GALNT10: variants seen among roughly 807,000 people sequenced by gnomAD.
GALNT10 encodes GalNAc transferase 10.
In GALNT10, 41 loss-of-function variants were observed where a neutral mutation model predicts 75.0. That is an observed-to-expected ratio of 0.55 (90% CI 0.43 to 0.71). The LOEUF is 0.71. Ranked by LOEUF, GALNT10 falls within the 30% of genes least tolerant of loss-of-function variation. GALNT10 has a pLI of 0.00. For synonymous variants in GALNT10, 302 were observed against 313.0 expected, an observed-to-expected ratio of 0.96 and a Z score of 0.37; for missense variants, 727 against 818.5, an observed-to-expected ratio of 0.89 and a Z score of 1.36.
intron 3 of GALNT10, among the ~76,000 whole-genome samples, chr5:154,316,303 G>A (rs1441358477): frequency 2.6e-5 from 4 of 152,190 alleles, no homozygotes; most frequent in African/African-American, 9.7e-5. Flanking sequence ...GGACTAAACT[G>A]AGGAGCCAGG....
intron 4 of GALNT10, chr5:154,356,354 C>T: frequency 2.6e-6 from 1 of 383,858 alleles, no homozygotes; most frequent in East Asian, 7.5e-5. Flanking sequence ...GACAGTGAAG[C>T]AGGGTACTGT....
Position 154,294,920 on chromosome 5 carries a change from T to G in GALNT10, c.262+2T>G. ...TCCGGAGGGACGCTCAGCGCGTAGG[T>G]ACGGAGGGCAGGATTGGCCATGGGT... On this transcript the variant is annotated splice_donor_variant, in intron 2 of 11. Transcript: ENST00000297107. LOFTEE classifies it high-confidence loss of function. The G allele has an allele frequency of 6.8e-7, 1 of 1,477,810 alleles. No individual in the cohort carries two copies. Among genetic ancestry groups the G allele is most frequent in the African/African-American group, 1.4e-5 (1 of 72,380 alleles). The allele number at this position is 1,477,810 out of a possible 1,614,324, so 91.5% of individuals were successfully genotyped here. A position where few individuals can be genotyped will look rare whatever the true frequency, so the allele number is the denominator to read the frequency against.
chr5:154,206,192 C>G (rs1393743182), intron 1 of GALNT10, among the ~76,000 whole-genome samples: 2 of 152,180 alleles, frequency 1.3e-5, no homozygotes, highest in African/African-American at 4.8e-5. Flanking sequence ...GCATATTACA[C>G]TGCACATATA....
chr5:154,392,550 C>G (rs111738868), intron 7 of GALNT10: 1 of 152,210 alleles, frequency 6.6e-6, no homozygotes, highest in African/African-American at 2.4e-5. Context: ...TGTGCTGATA[C>G]GGTTTTCCTT....
chr5:154,347,100 T>A (rs748181192), intron 4 of GALNT10: 1 of 498,800 alleles, frequency 2.0e-6, no homozygotes, highest in Non-Finnish European at 4.1e-6. Flanking sequence ...TGTCACCATT[T>A]ATTAACACCT....
intron 1 of GALNT10, among the ~76,000 whole-genome samples, chr5:154,291,440 G>A (rs1754194069): frequency 6.6e-6 from 1 of 152,158 alleles, no homozygotes; most frequent in South Asian, 2.1e-4. Flanking sequence ...GCCAGAATCA[G>A]CATTAACAAG....
rs538435945 is a variant in GALNT10 at position 154,364,225 on chromosome 5, CA to C, written c.569-12051del. On this transcript the variant is annotated intron_variant, in intron 4 of 11. Transcript: ENST00000297107. ...CGAGCAGTGTCTGCAGAGAATGCAC[CA>C]GGGGCAGGGCTGAGATGAGAGATGG... Among the ~76,000 whole-genome samples the C allele has an allele frequency of 2.9e-3, 437 of 152,214 alleles. 3 individuals are homozygous for C. Among genetic ancestry groups the C allele is most frequent in the African/African-American group, 0.01 (417 of 41,510 alleles).
intron 1 of GALNT10, among the ~76,000 whole-genome samples, chr5:154,195,212 C>A (rs17115719): frequency 0.067 from 10,162 of 152,294 alleles, 696 homozygotes; most frequent in African/African-American, 0.17. Flanking sequence ...ATCAAAAGCA[C>A]CTTGAGGCAA....
intron 7 of GALNT10, among the ~76,000 whole-genome samples, chr5:154,400,427 G>T (rs1756137924): frequency 6.6e-6 from 1 of 152,116 alleles, no homozygotes; most frequent in Non-Finnish European, 1.5e-5. Flanking sequence ...GCACCAGCAT[G>T]TGTGGCGACC....
chr5:154,330,629 A>C (rs1754841973), intron 4 of GALNT10, among the ~76,000 whole-genome samples: 1 of 152,176 alleles, frequency 6.6e-6, no homozygotes, highest in Non-Finnish European at 1.5e-5. Flanking sequence ...AGATGGGGCC[A>C]AAAGTGAAAT....
chr5:154,204,136 G>A (rs771645909), intron 1 of GALNT10, among the ~76,000 whole-genome samples: 1 of 152,140 alleles, frequency 6.6e-6, no homozygotes. Context: ...GAGTTGCTTT[G>A]TGACCCTAGT....
intron 1 of GALNT10, among the ~76,000 whole-genome samples, chr5:154,226,093 C>CTG (rs1753060169): frequency 1.3e-5 from 2 of 151,560 alleles, no homozygotes; most frequent in Non-Finnish European, 2.9e-5. Flanking sequence ...TGTAACAGAC[C>CTG]TGCGTATTGT....
Position 154,306,739 on chromosome 5 carries a change from C to CA in GALNT10, c.401+8662dup, listed in dbSNP as rs1294023212. On this transcript the variant is annotated intron_variant, in intron 3 of 11. Coordinates refer to ENST00000297107, the MANE Select transcript of GALNT10 (RefSeq NM_198321.4). ...AAAGCTGGTCAAAAAACAACAACAA[C>CA]AACAAAAAAAACTTAGGAGAAATTT... Among the ~76,000 whole-genome samples, 115 of 148,482 alleles carry CA rather than the reference C, an allele frequency of 7.7e-4. 2 individuals carry two copies. The Middle Eastern group carries it at 0.014, about 18-fold the overall frequency.
intron 4 of GALNT10, among the ~76,000 whole-genome samples, chr5:154,335,712 C>T (rs1754936690): frequency 1.3e-5 from 2 of 152,122 alleles, no homozygotes; most frequent in African/African-American, 4.8e-5. Flanking sequence ...GGTCCATGGC[C>T]ATACTACCCT....
At chr5:154,323,322 C>T (rs543500288) in intron 3 of GALNT10, among the ~76,000 whole-genome samples, 12 of 151,904 alleles carry the variant, frequency 7.9e-5, no homozygotes, top group Non-Finnish European at 1.5e-4. Flanking sequence ...CAGTGAGCTA[C>T]GATTGCACCA....
chr5:154,377,526 T>G (rs1755671865), intron 5 of GALNT10, among the ~76,000 whole-genome samples: 1 of 152,004 alleles, frequency 6.6e-6, no homozygotes, highest in Admixed American at 6.5e-5. Flanking sequence ...AGGCCCGGGG[T>G]GGAGCCTCAC....
At chr5:154,311,108 C>T (rs184921824) in intron 3 of GALNT10, among the ~76,000 whole-genome samples, 7 of 152,328 alleles carry the variant, frequency 4.6e-5, no homozygotes, top group Admixed American at 2.6e-4. Context: ...CCACTTACAT[C>T]TATGTGACTG....
chr5:154,287,959 T>TGAGAGAGA (rs36043154), intron 1 of GALNT10, among the ~76,000 whole-genome samples: 4 of 149,846 alleles, frequency 2.7e-5, no homozygotes, highest in African/African-American at 7.4e-5. Flanking sequence ...TGTGTGTGTG[T>TGAGAGAGA]GAGAGAGAGA....
intron 1 of GALNT10, among the ~76,000 whole-genome samples, chr5:154,191,721 A>G (rs1336881888): frequency 6.6e-6 from 1 of 152,240 alleles, no homozygotes; most frequent in Non-Finnish European, 1.5e-5. Context: ...ATGGGAGTCC[A>G]GAGGTGGGGC....
Sources: gnomAD v4.1 joint callset for allele counts (sites outside exome capture counted in the v4.1 genomes callset) on GRCh38, gnomAD v4.1.1 for gene constraint, MANE v1.5 for transcripts, NCBI Gene and HGNC (gene_info 2026-07-23, HGNC 2026-07-21) for gene names.